The following PARP10 variants were observed in gnomAD, a reference collection of about 807,000 sequenced individuals.
The protein encoded by PARP10 is protein mono-ADP-ribosyltransferase PARP10.
PARP10 carries 56 observed loss-of-function variants against 82.4 expected under a neutral mutation model. The ratio of observed to expected loss-of-function variants is 0.68; its 90% CI spans 0.55 to 0.85. The LOEUF is 0.85. Ranked by LOEUF, PARP10 falls within the 40% of genes least tolerant of loss-of-function variation. The probability of loss-of-function intolerance (pLI) is 0.00; values close to 1 mark genes in which losing one functional copy is unlikely to be tolerated. For synonymous variants in PARP10, 576 were observed against 601.1 expected (o/e 0.96, Z 0.61); for missense variants, 1,227 against 1,379.4 (o/e 0.89, Z 1.75).
At chr8:143,991,413 T>C (rs1587467209), upstream of PARP10, 1 of 1,223,184 alleles carries the variant, frequency 8.2e-7, no homozygotes, top group Admixed American at 3.2e-5. Context: ...CCCCAGCCCC[T>C]ACCCCCAAGG....
In PARP10 at chr8:144,004,977, G is replaced by A. The variant is rs1370105223; in HGVS notation, c.-80+7553C>T. ...GCAGATCACTTGAGGTCAGGAGTTC[G>A]AGACCAGCCTGGCAAACACGGTGAA... On this transcript the variant is annotated intron_variant, in intron 1 of 3. Coordinates refer to the PARP10 transcript ENST00000530478. Among the ~76,000 whole-genome samples, 3 of 152,182 alleles carry A rather than the reference G, an allele frequency of 2.0e-5. No homozygotes were observed. In the East Asian group the frequency reaches 5.8e-4, roughly 29 times the overall value.
chr8:144,002,867 G>A (rs559137552), intron 1 of PARP10, among the ~76,000 whole-genome samples: 160 of 152,108 alleles, frequency 1.1e-3, no homozygotes, highest in Non-Finnish European at 2.0e-3. Context: ...ACTTGAGTCC[G>A]GGAGCTTGAG....
chr8:143,993,779 G>A (rs73377283), upstream of PARP10, among the ~76,000 whole-genome samples: 1,007 of 152,274 alleles, frequency 6.6e-3, 14 homozygotes, highest in African/African-American at 0.022. Context: ...CTCCTTGGGC[G>A]CTCCTTGGGC....
chr8:143,977,516 A>C lies in PARP10; in HGVS notation c.3046T>G (p.Ser1016Ala), dbSNP rs782782139. ...TCTGGGGAGCGGCCCGGGAGCCCAGAGGGGTCGTCGGGGGAAGCGCGGGGC... is the reference window on the plus strand; with the variant it reads ...TCTGGGGAGCGGCCCGGGAGCCCAGCGGGGTCGTCGGGGGAAGCGCGGGGC... ...HVPRASPDDPSGLPGRSPDT is the reference protein window; with the variant it reads ...HVPRASPDDPAGLPGRSPDT The change falls in exon 11 of 11, where the codon TCT (serine) becomes GCT (alanine). Residue 1016 changes from serine (S) to alanine (A), a missense_variant. Coordinates refer to ENST00000313028, the MANE Select transcript of PARP10 (RefSeq NM_032789.5). The C allele has an allele frequency of 1.9e-6, 3 of 1,557,846 alleles. No individual in the cohort carries two copies. In the East Asian group the frequency reaches 7.2e-5, roughly 37 times the overall value.
intron 1 of PARP10, among the ~76,000 whole-genome samples, chr8:144,000,205 T>C (rs987683668): frequency 1.3e-5 from 2 of 152,088 alleles, no homozygotes; most frequent in Non-Finnish European, 2.9e-5. Context: ...AATTTGGAAA[T>C]AAGGTTGTTG....
Position 143,986,189 on chromosome 8 carries a change from C to T in PARP10, c.47G>A (p.Arg16His), listed in dbSNP as rs782117951. ...EAEAGVAVEV[R>H]GLPPAVPDEL... ...GTCGGGCACGGCAGGGGGCAGTCCA[C>T]GGACCTCCACTGCCACCCCTGCCTC... Residue 16 changes from arginine (R) to histidine (H), a missense_variant, in exon 2 of 11, where the codon CGT (arginine) becomes CAT (histidine). Arg to His is a conservative substitution (Grantham distance 29, BLOSUM62 0). Transcript: ENST00000313028. 4.5e-5 allele frequency: 73 copies of T among 1,613,574 alleles called. No homozygotes were observed. Among genetic ancestry groups the T allele is most frequent in the Non-Finnish European group, 5.8e-5 (69 of 1,179,910 alleles).
intron 1 of PARP10, among the ~76,000 whole-genome samples, chr8:144,010,757 C>T (rs1834272408): frequency 6.6e-6 from 1 of 151,974 alleles, no homozygotes; most frequent in Admixed American, 6.6e-5. Flanking sequence ...TGGTGGCACA[C>T]ACCTGTAGTC....
chr8:143,986,116 T>G lies in PARP10; in HGVS notation c.120A>C (p.Gly40=). Residue 40 remains glycine (G), a synonymous_variant, in exon 2 of 11, where the codon GGA becomes GGC. Coordinates refer to ENST00000313028, the MANE Select transcript of PARP10 (RefSeq NM_032789.5). The part of the protein sequence containing the change: ...YFENRRRSGG[G]PVLSWQRLGC... ...CCAGTCTCTGCCAGCTCAACACAGGTCCCCCTCCAGAGCGTCGGCGGTTTT... is the reference window on the plus strand; with the variant it reads ...CCAGTCTCTGCCAGCTCAACACAGGGCCCCCTCCAGAGCGTCGGCGGTTTT... 3.1e-6 allele frequency: 5 copies of G among 1,613,582 alleles called. No individual in the cohort carries two copies. The highest frequency in any genetic ancestry group is 1.3e-5 in the African/African-American group (1 of 74,842).
Position 143,985,574 on chromosome 8 carries a change from G to A in PARP10, c.511C>T (p.Gln171Ter). ...GTLVSLARVP[Q>*]ARAVRVVGDG... ...CCCACCACACGCACCGCTCGGGCCT[G>A]GGGAACCCGGGCCAGGGACACCAAG... The change falls in exon 4 of 11, where the codon CAG becomes TAG. Residue 171 changes from glutamine (Q) to a stop codon, truncating the protein, a stop_gained. Coordinates refer to ENST00000313028, the MANE Select transcript of PARP10 (RefSeq NM_032789.5). LOFTEE classifies it high-confidence loss of function. 2 of 1,614,016 alleles carry A rather than the reference G, an allele frequency of 1.2e-6. No homozygotes were observed. Among genetic ancestry groups the A allele is most frequent in the Non-Finnish European group, 1.7e-6 (2 of 1,179,994 alleles).
chr8:144,002,128 G>T (rs575801284), intron 1 of PARP10, among the ~76,000 whole-genome samples: 2 of 152,182 alleles, frequency 1.3e-5, no homozygotes, highest in African/African-American at 4.8e-5. Context: ...ATGTGGGCCC[G>T]TCAGGCTATT....
At chr8:143,995,849 ACTGTCCAAG>A (rs1316768725), upstream of PARP10, among the ~76,000 whole-genome samples, 1 of 152,178 alleles carries the variant, frequency 6.6e-6, no homozygotes, top group Non-Finnish European at 1.5e-5. Context: ...AAACATGGGC[ACTGTCCAAG>A]CTGTAAAAAG....
chr8:143,978,827 G>C (rs151233486), intron 9 of PARP10, among the ~76,000 whole-genome samples: 3 of 152,158 alleles, frequency 2.0e-5, no homozygotes, highest in Admixed American at 2.0e-4. Context: ...CACACACAGG[G>C]AAGACGCTTC....
chr8:143,994,466 G>A (rs1404974188), upstream of PARP10, among the ~76,000 whole-genome samples: 3 of 152,114 alleles, frequency 2.0e-5, no homozygotes, highest in Non-Finnish European at 2.9e-5. Context: ...TAAAACCCTC[G>A]GTGGTGCCCT....
chr8:143,981,930 G>A (rs200963182), intron 9 of PARP10, among the ~76,000 whole-genome samples: 1 of 60 alleles, frequency 0.017, no homozygotes. Context: ...GATGGTGATG[G>A]TGGTGGTGAT....
intron 1 of PARP10, among the ~76,000 whole-genome samples, chr8:144,006,954 G>T (rs548155803): frequency 2.0e-5 from 3 of 152,270 alleles, no homozygotes; most frequent in East Asian, 1.9e-4. Flanking sequence ...GCAAGCCTTC[G>T]TGTCCACCTG....
Position 143,977,675 on chromosome 8 carries a change from G to A in PARP10, c.2887C>T (p.Pro963Ser). 1 of 1,593,756 alleles carries A rather than the reference G, an allele frequency of 6.3e-7. No homozygotes were observed. ...YGQGRRGLRAPPLRGPGHVLL... is the reference protein window; with the variant it reads ...YGQGRRGLRASPLRGPGHVLL... ...ACGTGGCCAGGACCCCGCAGAGGGG[G>A]CGCCCGCAGACCGCGGCGGCCCTGC... Residue 963 changes from proline (P) to serine (S), a missense_variant, in exon 11 of 11, where the codon CCC becomes TCC. Transcript: ENST00000313028.
upstream of PARP10, among the ~76,000 whole-genome samples, chr8:143,995,927 G>A (rs1029046928): frequency 1.3e-5 from 2 of 152,152 alleles, no homozygotes; most frequent in African/African-American, 4.8e-5. Flanking sequence ...ACAGCTGACA[G>A]CTCTAGCCTG....
Position 143,984,529 on chromosome 8 carries a change from T to G in PARP10, c.1458+15A>C. On this transcript the variant is annotated intron_variant, in intron 5 of 10. Coordinates refer to ENST00000313028, the MANE Select transcript of PARP10 (RefSeq NM_032789.5). ...GGAGGGGGCTGAAGGTGAGGAGTCC[T>G]GAGGGGTCACTCACCCGAAAGCCAG... 6.2e-7 allele frequency: 1 copy of G among 1,602,858 alleles called. No individual in the cohort carries two copies. The highest frequency in any genetic ancestry group is 8.5e-7 in the Non-Finnish European group (1 of 1,174,960).
At position 144,006,511 on chromosome 8, in the gene PARP10, A is replaced by C. The variant is rs1056716806; in HGVS notation, c.-80+6019T>G. Among the ~76,000 whole-genome samples, 44 of 152,234 alleles carry C rather than the reference A, an allele frequency of 2.9e-4. 1 individual carries two copies. The highest frequency in any genetic ancestry group is 8.7e-4 in the African/African-American group (36 of 41,458). ...AAGACTTTGGGGGCCCTGAGGGGCAACACGCAAGCGGAGTCTGAAGGAAGA... is the reference window on the plus strand; with the variant it reads ...AAGACTTTGGGGGCCCTGAGGGGCACCACGCAAGCGGAGTCTGAAGGAAGA... On this transcript the variant is annotated intron_variant, in intron 1 of 3. Transcript: ENST00000530478.
Sources: gnomAD v4.1 joint callset for allele counts (sites outside exome capture counted in the v4.1 genomes callset) on GRCh38, gnomAD v4.1.1 for gene constraint, MANE v1.5 for transcripts, NCBI Gene and HGNC (gene_info 2026-07-23, HGNC 2026-07-21) for gene names.